Variants in TDRD12 observed in about 807,000 individuals in gnomAD.
TDRD12 encodes putative ATP-dependent RNA helicase TDRD12.
Under a neutral mutation model 133.5 loss-of-function variants are expected in TDRD12, and 158 were observed. The ratio of observed to expected loss-of-function variants is 1.18; its 90% CI spans 1.04 to 1.35. TDRD12 has a LOEUF of 1.35. Among genes scored for constraint, TDRD12 ranks in the 40% most tolerant of loss-of-function variants. TDRD12 has a pLI of 0.00. For synonymous variants in TDRD12, 460 were observed against 477.9 expected, an observed-to-expected ratio of 0.96 and a Z score of 0.49; for missense variants, 1,443 against 1,321.3, an observed-to-expected ratio of 1.09 and a Z score of -1.43.
chr19:32,745,840 T>G (rs1969594253), intron 4 of TDRD12, among the ~76,000 whole-genome samples: 1 of 145,914 alleles, frequency 6.9e-6, no homozygotes, highest in Non-Finnish European at 1.5e-5. Flanking sequence ...GACTGGCTGA[T>G]GTGGTTATTC....
In TDRD12 at chr19:32,798,289, C is replaced by CTT; in HGVS notation, c.1631-10_1631-9dup. The CTT allele has an allele frequency of 2.4e-6, 3 of 1,254,076 alleles. No homozygotes were observed. The highest frequency in any genetic ancestry group is 2.4e-5 in the Admixed American group (1 of 42,242). 77.7% of individuals were successfully genotyped at this position (1,254,076 alleles called of 1,614,324 possible). A position where few individuals can be genotyped will look rare whatever the true frequency, so the allele number is the denominator to read the frequency against. ...ACCTGTGGAAAATTGAAAATGTTCA[C>CTT]TTTTTTTTTTAAATGCAGGTGATGT... On this transcript the variant is annotated intron_variant, in intron 15 of 27. Transcript: ENST00000444215.
chr19:32,724,234 AATTTT>A (rs1435970761), intron 1 of TDRD12, among the ~76,000 whole-genome samples: 1 of 152,184 alleles, frequency 6.6e-6, no homozygotes, highest in East Asian at 1.9e-4. Context: ...TTTTTAATTT[AATTTT>A]AAGTTCCAGG....
At chr19:32,787,700 G>T (rs1970949079) in intron 11 of TDRD12, among the ~76,000 whole-genome samples, 1 of 152,230 alleles carries the variant, frequency 6.6e-6, no homozygotes, top group Non-Finnish European at 1.5e-5. Flanking sequence ...ATCTCAGACT[G>T]CTGTGCTAGC....
chr19:32,817,022 A>C (rs1465099344), intron 26 of TDRD12, among the ~76,000 whole-genome samples: 3 of 152,336 alleles, frequency 2.0e-5, no homozygotes, highest in Admixed American at 2.0e-4. Flanking sequence ...AAGTGTGGGC[A>C]GGGATGAGAG....
At position 32,729,016 on chromosome 19, in the gene TDRD12, A is replaced by G. The variant is rs576142705; in HGVS notation, c.25-2709A>G. The stretch of plus-strand genomic sequence containing the variant: ...TGTGTGTGTGTATCTATATCTATAC[A>G]TGTATAAATAGATACATATCTATAT... On this transcript the variant is annotated intron_variant, in intron 1 of 27. Transcript: ENST00000444215. Among the ~76,000 whole-genome samples, 875 of 150,156 alleles carry G rather than the reference A, an allele frequency of 5.8e-3. 6 individuals carry two copies. Among genetic ancestry groups the G allele is most frequent in the African/African-American group, 0.02 (817 of 41,018 alleles).
At chr19:32,739,434 TTCTGCATCTCCTGGCTGCTC>T (rs924010989) in intron 3 of TDRD12, among the ~76,000 whole-genome samples, 19 of 142,366 alleles carry the variant, frequency 1.3e-4, no homozygotes, top group African/African-American at 4.7e-4. Flanking sequence ...CCTGGCTACT[TTCTGCATCTCCTGGCTGCTC>T]TCTGCATCTC....
intron 6 of TDRD12, among the ~76,000 whole-genome samples, chr19:32,750,390 A>G (rs903883371): frequency 6.6e-6 from 1 of 152,172 alleles, no homozygotes; most frequent in Admixed American, 6.5e-5. Context: ...GCACACATCC[A>G]GGGCTGCTCA....
At chr19:32,798,588 T>C (rs1971297281) in intron 16 of TDRD12, among the ~76,000 whole-genome samples, 153 bp downstream of exon 16, 1 of 152,244 alleles carries the variant, frequency 6.6e-6, no homozygotes, top group Non-Finnish European at 1.5e-5. Flanking sequence ...GAAGAAAGAA[T>C]GGTTATGTGA....
At chr19:32,738,155 A>G (rs1969284013) in intron 2 of TDRD12, among the ~76,000 whole-genome samples, 1 of 152,084 alleles carries the variant, frequency 6.6e-6, no homozygotes, top group African/African-American at 2.4e-5. Context: ...ATAAAGAGTC[A>G]TGGGTAAGGG....
intron 1 of TDRD12, among the ~76,000 whole-genome samples, chr19:32,730,830 A>G (rs1286106766): frequency 6.6e-6 from 1 of 152,178 alleles, no homozygotes; most frequent in Non-Finnish European, 1.5e-5. Flanking sequence ...AGCCTGGCCA[A>G]CATGATGAAA....
chr19:32,736,245 A>AT (rs1969220115), intron 2 of TDRD12, among the ~76,000 whole-genome samples: 1 of 152,150 alleles, frequency 6.6e-6, no homozygotes, highest in African/African-American at 2.4e-5. Flanking sequence ...AGAAAAAAAG[A>AT]TTCCTTTCAA....
intron 4 of TDRD12, 40 bp from the exon 5 acceptor site, chr19:32,748,436 G>C (rs1376036371): frequency 2.6e-6 from 4 of 1,542,974 alleles, no homozygotes; most frequent in Non-Finnish European, 2.6e-6. Context: ...GCTAGCCTCA[G>C]ATTTTTATGT....
At chr19:32,801,989 G>C in intron 19 of TDRD12, 116 bp downstream of exon 19, 1 of 454,788 alleles carries the variant, frequency 2.2e-6, no homozygotes, top group Non-Finnish European at 3.8e-6. Context: ...GGTTTACTGA[G>C]ACTTTATTAG....
intron 11 of TDRD12, among the ~76,000 whole-genome samples, chr19:32,784,094 G>C (rs1970841899): frequency 6.6e-6 from 1 of 152,126 alleles, no homozygotes; most frequent in Non-Finnish European, 1.5e-5. Context: ...AATGCTTCCA[G>C]TTTTTGCCCA....
At position 32,813,703 on chromosome 19, in the gene TDRD12, A is replaced by G. The variant is rs533778279; in HGVS notation, c.3068A>G (p.His1023Arg). The stretch of plus-strand genomic sequence containing the variant: ...TTTCAGGTTACTAGGTACATTCATC[A>G]TAAAATTGTTGGAAAATTGCATGAT... The change falls in exon 25 of 28, where the codon CAT (histidine) becomes CGT (arginine). Residue 1023 changes from histidine to arginine, a missense_variant. Coordinates refer to ENST00000444215, the Ensembl canonical transcript of TDRD12. The G allele has an allele frequency of 3.3e-6, 5 of 1,533,540 alleles. No homozygotes were observed. In the South Asian group the frequency reaches 3.6e-5, roughly 11 times the overall value. 95.0% of individuals were successfully genotyped at this position (1,533,540 alleles called of 1,614,324 possible).
At chr19:32,779,592 G>C (rs568419207) in intron 11 of TDRD12, among the ~76,000 whole-genome samples, 70 of 152,046 alleles carry the variant, frequency 4.6e-4, no homozygotes, top group South Asian at 1.2e-3. Flanking sequence ...CTTAATTTTT[G>C]GGTGTTCAAG....
intron 14 of TDRD12, 73 bp downstream of exon 14, chr19:32,794,886 T>C: frequency 1.5e-6 from 1 of 652,088 alleles, no homozygotes; most frequent in East Asian, 2.7e-5. Flanking sequence ...ACCTCACCTT[T>C]GAGGAAGGTC....
At chr19:32,788,186 G>A (rs1970965351) in intron 11 of TDRD12, among the ~76,000 whole-genome samples, 2 of 151,418 alleles carry the variant, frequency 1.3e-5, no homozygotes, top group Non-Finnish European at 1.5e-5. Context: ...GCAGTGGTGC[G>A]ATGTCGGCTC....
chr19:32,806,622 A>G (rs910936176), intron 21 of TDRD12, among the ~76,000 whole-genome samples: 1 of 152,054 alleles, frequency 6.6e-6, no homozygotes, highest in Admixed American at 6.6e-5. Context: ...GATTACAGGC[A>G]TGAGCCACCG....
Sources: gnomAD v4.1 joint callset for allele counts (sites outside exome capture counted in the v4.1 genomes callset) on GRCh38, gnomAD v4.1.1 for gene constraint, MANE v1.5 for transcripts, NCBI Gene and HGNC (gene_info 2026-07-23, HGNC 2026-07-21) for gene names.